Variants in VGLL4 observed in about 807,000 individuals in gnomAD.
VGLL4 encodes the protein vestigial like family member 4.
A neutral mutation model predicts 21.0 loss-of-function variants in VGLL4; 7 were observed. The observed-to-expected ratio is 0.33, with a 90% CI of 0.19 to 0.63. The LOEUF (loss-of-function observed/expected upper bound fraction) is 0.63, where lower values mean the gene tolerates loss of function less well. Ranked by LOEUF, VGLL4 falls within the 20% of genes least tolerant of loss-of-function variation. The pLI, the probability that VGLL4 is intolerant of heterozygous loss-of-function variation, is 0.78. For synonymous variants in VGLL4, 222 were observed against 173.2 expected (o/e 1.28, Z -2.21); for missense variants, 394 against 425.7 (o/e 0.93, Z 0.66).
At chr3:11,711,317 A>T (rs940694176) in intron 1 of VGLL4, among the ~76,000 whole-genome samples, 1 of 152,138 alleles carries the variant, frequency 6.6e-6, no homozygotes, top group Non-Finnish European at 1.5e-5. Context: ...AGGCGGGCAG[A>T]TCACAAGGTA....
intron 1 of VGLL4, among the ~76,000 whole-genome samples, chr3:11,614,496 C>T (rs2075123980): frequency 6.6e-6 from 1 of 152,158 alleles, no homozygotes; most frequent in Non-Finnish European, 1.5e-5. Context: ...GTGTATAGGC[C>T]CCCCGATTCT....
intron 2 of VGLL4, among the ~76,000 whole-genome samples, chr3:11,584,581 A>C (rs2074318455): frequency 1.3e-5 from 2 of 152,164 alleles, no homozygotes; most frequent in South Asian, 4.1e-4. Context: ...TAAAAGTGGG[A>C]ATATATGAGA....
intron 2 of VGLL4, among the ~76,000 whole-genome samples, chr3:11,682,496 C>T (rs541652523): frequency 7.9e-5 from 12 of 151,266 alleles, no homozygotes; most frequent in African/African-American, 2.4e-4. Context: ...AAGAATCACT[C>T]GAGCCCAGGA....
chr3:11,637,877 G>C (rs2075617696), intron 1 of VGLL4, among the ~76,000 whole-genome samples: 1 of 152,170 alleles, frequency 6.6e-6, no homozygotes, highest in Admixed American at 6.5e-5. Context: ...AGAGAAAACT[G>C]TTTTGGAATA....
At chr3:11,688,722 A>C (rs2076484835) in intron 2 of VGLL4, among the ~76,000 whole-genome samples, 1 of 152,152 alleles carries the variant, frequency 6.6e-6, no homozygotes, top group Admixed American at 6.5e-5. Flanking sequence ...ATCTTCATTT[A>C]TAAAGATAAA....
intron 2 of VGLL4, among the ~76,000 whole-genome samples, chr3:11,572,126 T>C (rs1235439669): frequency 6.6e-6 from 1 of 152,050 alleles, no homozygotes; most frequent in Non-Finnish European, 1.5e-5. Context: ...AGTTGGGGAA[T>C]CTCTGAGTAA....
intron 1 of VGLL4, among the ~76,000 whole-genome samples, chr3:11,638,998 C>A (rs1408692325): frequency 3.9e-5 from 6 of 152,202 alleles, no homozygotes; most frequent in Admixed American, 1.3e-4. Context: ...CGGAATAATT[C>A]GCTCTTAAGC....
rs2072437805 is a variant in VGLL4 at position 11,556,609 on chromosome 3, A to T, written c.*1947T>A. ...AGACAAATCTACGACAAAAAAAAAG[A>T]TCAACTTTTTTTTTCCGAACAACAA... On this transcript the variant is annotated 3_prime_UTR_variant, in exon 5 of 5. Coordinates refer to ENST00000430365, the MANE Select transcript of VGLL4 (RefSeq NM_001128219.3). 1 of 152,376 alleles carries T rather than the reference A, an allele frequency of 6.6e-6. No homozygotes were observed. The highest frequency in any genetic ancestry group is 2.4e-5 in the African/African-American group (1 of 41,162). The allele number at this position is 152,376 out of a possible 1,614,324, so 9.4% of individuals were successfully genotyped here. A position where few individuals can be genotyped will look rare whatever the true frequency, so the allele number is the denominator to read the frequency against.
In VGLL4 at chr3:11,717,490, A is replaced by ATTTTTTTTTTT. The variant is rs60921966; in HGVS notation, c.-14+2893_-14+2903dup. ...AGTTAAGAGGAATTTCCCACTACAG[A>ATTTTTTTTTTT]TTTTTTTTTTTTTTTTTTTTTTTTG... On this transcript the variant is annotated intron_variant, in intron 1 of 5. Transcript: ENST00000273038. Among the ~76,000 whole-genome samples the ATTTTTTTTTTT allele has an allele frequency of 7.3e-3, 533 of 72,934 alleles. 78 individuals carry two copies. The highest frequency in any genetic ancestry group is 0.033 in the African/African-American group (501 of 15,372). 47.8% of individuals were successfully genotyped at this position (72,934 alleles called of 152,430 possible).
At chr3:11,714,472 C>T (rs962781596) in intron 1 of VGLL4, among the ~76,000 whole-genome samples, 2 of 151,640 alleles carry the variant, frequency 1.3e-5, no homozygotes, top group African/African-American at 4.8e-5. Context: ...AGGTGGATCG[C>T]TTGAGGCCAG....
chr3:11,581,574 C>T (rs2074229347), intron 2 of VGLL4, among the ~76,000 whole-genome samples: 1 of 152,100 alleles, frequency 6.6e-6, no homozygotes, highest in South Asian at 2.1e-4. Context: ...GTGGAATGAC[C>T]GTACAAGTTA....
intron 2 of VGLL4, among the ~76,000 whole-genome samples, chr3:11,663,309 G>GTA (rs2076061831): frequency 6.6e-6 from 1 of 152,156 alleles, no homozygotes; most frequent in Non-Finnish European, 1.5e-5. Flanking sequence ...AAAGTTTGAA[G>GTA]TCCAGGATAC....
chr3:11,582,158 ACTACT>A (rs1181512645), intron 2 of VGLL4: 11 of 1,114,168 alleles, frequency 9.9e-6, no homozygotes, highest in African/African-American at 7.8e-5. Context: ...CTAAGCAAAG[ACTACT>A]CTACCTCTCC....
rs773781426 is a variant in VGLL4 at position 11,568,398 on chromosome 3, T to C, written c.273-3379A>G. On this transcript the variant is annotated intron_variant, in intron 2 of 4. Coordinates refer to ENST00000430365, the MANE Select transcript of VGLL4 (RefSeq NM_001128219.3). This position sits in a 1 kb window ranked among gnomAD's most constrained non-coding sequence, Gnocchi z 5.9. ...AGGACGGGGCAGCCCTGCACCTAAA[T>C]CTGCCATCTATGCTCCCACAGCCCC... Among the ~76,000 whole-genome samples, 1 of 152,136 alleles carries C rather than the reference T, an allele frequency of 6.6e-6. No homozygotes were observed. The highest frequency in any genetic ancestry group is 1.5e-5 in the Non-Finnish European group (1 of 68,014).
At chr3:11,610,513 G>C (rs2075040720) in intron 1 of VGLL4, 1 of 152,198 alleles carries the variant, frequency 6.6e-6, no homozygotes, top group South Asian at 2.1e-4. Context: ...ATAATGCTCT[G>C]GGCGGCCCCA....
At chr3:11,652,548 G>A (rs2075890347) in intron 2 of VGLL4, among the ~76,000 whole-genome samples, 1 of 152,128 alleles carries the variant, frequency 6.6e-6, no homozygotes, top group African/African-American at 2.4e-5. Flanking sequence ...AGCCTCCAAA[G>A]TAGCTGGGAT....
In VGLL4 at chr3:11,598,353, G is replaced by A. The variant is rs1375693067; in HGVS notation, c.272+3480C>T. Among the ~76,000 whole-genome samples the A allele has an allele frequency of 2.0e-5, 3 of 152,046 alleles. No homozygotes were observed. The East Asian group carries it at 5.8e-4, about 29-fold the overall frequency. On this transcript the variant is annotated intron_variant, in intron 2 of 4. Coordinates refer to ENST00000430365, the MANE Select transcript of VGLL4 (RefSeq NM_001128219.3). ...CTGCTGCTTCTTACTCTGGCTCAGA[G>A]CCACCTGATCTCTCCATCTTTCTAC...
chr3:11,705,378 G>A (rs918149296), intron 1 of VGLL4, among the ~76,000 whole-genome samples: 1 of 152,204 alleles, frequency 6.6e-6, no homozygotes, highest in African/African-American at 2.4e-5. Context: ...CAGGCAGAGA[G>A]AGGAGGGGAG....
At chr3:11,630,794 C>T (rs1261848652) in intron 1 of VGLL4, among the ~76,000 whole-genome samples, 1 of 152,174 alleles carries the variant, frequency 6.6e-6, no homozygotes, top group Non-Finnish European at 1.5e-5. Flanking sequence ...TCCGGCAATT[C>T]TACTAAGTAT....
Sources: allele counts gnomAD v4.1 joint callset (sites outside exome capture counted in the v4.1 genomes callset), GRCh38; gene constraint gnomAD v4.1.1; non-coding constraint Gnocchi (gnomAD v3.1); transcripts MANE v1.5; gene names NCBI Gene and HGNC (gene_info 2026-07-23, HGNC 2026-07-21).